The following KPNA6 variants were observed in gnomAD, a reference collection of about 807,000 sequenced individuals.
KPNA6 encodes karyopherin subunit alpha 6, also known as importin subunit alpha-7.
Under a neutral mutation model 72.0 loss-of-function variants are expected in KPNA6, and 9 were observed. The ratio of observed to expected loss-of-function variants is 0.13; its 90% confidence interval spans 0.08 to 0.22. KPNA6 has a LOEUF of 0.22. KPNA6 is among the 10% of genes least tolerant of loss of function. The probability of loss-of-function intolerance (pLI) is 1.00; values close to 1 mark genes in which losing one functional copy is unlikely to be tolerated. For synonymous variants in KPNA6, 219 were observed against 242.1 expected (o/e 0.90, Z 0.89); for missense variants, 374 against 655.7 (o/e 0.57, Z 4.69).
chr1:32,159,684 A>C (rs1642201912), intron 6 of KPNA6, among the ~76,000 whole-genome samples, 153 bp downstream of exon 6: 1 of 152,194 alleles, frequency 6.6e-6, no homozygotes, highest in African/African-American at 2.4e-5. Flanking sequence ...GGGACTTGCA[A>C]CTGGTATCTC....
At chr1:32,161,837 A>G (rs1181703135) in intron 7 of KPNA6, 110 bp from the exon 8 acceptor site, 2 of 770,968 alleles carry the variant, frequency 2.6e-6, no homozygotes, top group Non-Finnish European at 2.2e-6. Context: ...GTAGGAAGAA[A>G]CAGGCTGCTA....
intron 1 of KPNA6, among the ~76,000 whole-genome samples, chr1:32,126,439 C>T (rs1641537342): frequency 6.6e-6 from 1 of 152,034 alleles, no homozygotes; most frequent in East Asian, 1.9e-4. Flanking sequence ...GGCTGGAGTG[C>T]AATGGTGCGA....
intron 1 of KPNA6, among the ~76,000 whole-genome samples, chr1:32,123,715 G>T (rs1487802978): frequency 4.8e-5 from 7 of 146,984 alleles, no homozygotes; most frequent in African/African-American, 1.0e-4. Context: ...ACTCCATATT[G>T]GGTGACAGAG....
intron 1 of KPNA6, among the ~76,000 whole-genome samples, chr1:32,147,637 C>T (rs576530421): frequency 7.2e-5 from 10 of 138,178 alleles, no homozygotes; most frequent in African/African-American, 2.2e-4. Flanking sequence ...TTCTGACTTT[C>T]GTGATTTCTT....
Position 32,154,564 on chromosome 1 carries a change from G to A in KPNA6, c.5-24G>A, listed in dbSNP as rs773401827. On this transcript the variant is annotated intron_variant, in intron 1 of 13. Coordinates refer to ENST00000373625, the MANE Select transcript of KPNA6 (RefSeq NM_012316.5). Reference sequence around the variant, plus strand: ...AAATGCTGTCCTCTCAAGAGTTTTTGGCAGTGTGTATCTTTTCTTCTAGAG... The same window carrying A: ...AAATGCTGTCCTCTCAAGAGTTTTTAGCAGTGTGTATCTTTTCTTCTAGAG... 14 of 1,608,338 alleles carry A rather than the reference G, an allele frequency of 8.7e-6. No individual in the cohort carries two copies. In the South Asian group the frequency reaches 1.6e-4, roughly 18 times the overall value.
At chr1:32,137,400 T>C (rs1641753687) in intron 1 of KPNA6, among the ~76,000 whole-genome samples, 1 of 152,138 alleles carries the variant, frequency 6.6e-6, no homozygotes, top group East Asian at 1.9e-4. Context: ...CTCTAACTCC[T>C]GGGCTCAGGT....
At chr1:32,114,532 G>A (rs1328431129) in intron 1 of KPNA6, among the ~76,000 whole-genome samples, 1 of 151,412 alleles carries the variant, frequency 6.6e-6, no homozygotes, top group Non-Finnish European at 1.5e-5. Context: ...CATTTATAAA[G>A]CATAAACACA....
At chr1:32,166,518 G>A (rs1004675709) in intron 11 of KPNA6, among the ~76,000 whole-genome samples, 3 of 151,690 alleles carry the variant, frequency 2.0e-5, no homozygotes, top group African/African-American at 7.3e-5. Context: ...TCAGCTATTC[G>A]GGAGGCTGAG....
chr1:32,167,124 A>G (rs1428148203), intron 11 of KPNA6, 45 bp from the exon 12 acceptor site: 1 of 1,603,784 alleles, frequency 6.2e-7, no homozygotes, highest in Non-Finnish European at 8.5e-7. Flanking sequence ...TATCATGCTG[A>G]AATGACTTTC....
At chr1:32,111,580 C>A (rs1641244018) in intron 1 of KPNA6, among the ~76,000 whole-genome samples, 1 of 152,168 alleles carries the variant, frequency 6.6e-6, no homozygotes. Flanking sequence ...TGGGTTATCT[C>A]CATTTACACT....
chr1:32,144,588 C>T (rs934199005), intron 1 of KPNA6, among the ~76,000 whole-genome samples: 3 of 152,124 alleles, frequency 2.0e-5, no homozygotes, highest in Admixed American at 6.6e-5. Flanking sequence ...TCTTAGCCAG[C>T]GTGTGCTTTT....
At chr1:32,119,643 A>G (rs1330269839) in intron 1 of KPNA6, among the ~76,000 whole-genome samples, 1 of 152,082 alleles carries the variant, frequency 6.6e-6, no homozygotes, top group African/African-American at 2.4e-5. Context: ...CCTGGCTGCT[A>G]CGCTCCAGCC....
At chr1:32,142,503 T>C (rs1225464463) in intron 1 of KPNA6, among the ~76,000 whole-genome samples, 1 of 152,154 alleles carries the variant, frequency 6.6e-6, no homozygotes, top group Non-Finnish European at 1.5e-5. Flanking sequence ...ATAATATGAA[T>C]TAGGAACAGA....
In KPNA6 at chr1:32,153,152, G is replaced by T. The variant is rs77279704; in HGVS notation, c.5-1436G>T. 9.5e-3 allele frequency among the ~76,000 whole-genome samples: 1,441 copies of T among 151,976 alleles called. 17 individuals carry two copies. Among genetic ancestry groups the T allele is most frequent in the African/African-American group, 0.032 (1,323 of 41,456 alleles). On this transcript the variant is annotated intron_variant, in intron 1 of 13. Coordinates refer to ENST00000373625, the MANE Select transcript of KPNA6 (RefSeq NM_012316.5). Reference sequence around the variant, plus strand: ...TCAATGAAGCTAAAACTTGGATCTTGCAAAAGACTAAAATAAAAATAGTCA... The same window carrying T: ...TCAATGAAGCTAAAACTTGGATCTTTCAAAAGACTAAAATAAAAATAGTCA...
At chr1:32,166,451 C>A (rs1049461453) in intron 11 of KPNA6, among the ~76,000 whole-genome samples, 5 of 151,028 alleles carry the variant, frequency 3.3e-5, no homozygotes, top group African/African-American at 1.2e-4. Flanking sequence ...ATGGTGAAAC[C>A]CCATCTGTAC....
intron 1 of KPNA6, among the ~76,000 whole-genome samples, chr1:32,119,022 ATATATATATATT>A (rs1232783792): frequency 1.3e-5 from 1 of 75,548 alleles, no homozygotes; most frequent in Non-Finnish European, 2.2e-5. Context: ...ATATATATAT[ATATATATATATT>A]TTTTTTTTTT....
chr1:32,165,179 T>C (rs1401304524), intron 10 of KPNA6, among the ~76,000 whole-genome samples: 1 of 152,166 alleles, frequency 6.6e-6, no homozygotes, highest in Non-Finnish European at 1.5e-5. Flanking sequence ...AGTGCTGGGA[T>C]TACAGGCATG....
chr1:32,113,350 C>T (rs2124519593), intron 1 of KPNA6, among the ~76,000 whole-genome samples: 1 of 152,180 alleles, frequency 6.6e-6, no homozygotes, highest in African/African-American at 2.4e-5. Flanking sequence ...ATGATTGTGC[C>T]ATTGCACACC....
chr1:32,108,158 G>A (rs755573828), intron 1 of KPNA6, 24 bp downstream of exon 1: 6 of 1,613,830 alleles, frequency 3.7e-6, no homozygotes, highest in Admixed American at 1.7e-5. Context: ...CCACGCAGTA[G>A]GGTTCTTGGG....
Sources: allele counts gnomAD v4.1 joint callset (sites outside exome capture counted in the v4.1 genomes callset), GRCh38; gene constraint gnomAD v4.1.1; transcripts MANE v1.5; gene names NCBI Gene and HGNC (gene_info 2026-07-23, HGNC 2026-07-21).